The following MCF2L2 variants were observed in gnomAD, a reference collection of about 807,000 sequenced individuals.
MCF2L2 encodes MCF.2 cell line derived transforming sequence-like 2.
A neutral mutation model predicts 150.2 loss-of-function variants in MCF2L2; 102 were observed. The observed-to-expected ratio is 0.68, with a 90% CI of 0.58 to 0.80. The LOEUF (loss-of-function observed/expected upper bound fraction) is 0.80, where lower values mean the gene tolerates loss of function less well. MCF2L2 is among the 30% of genes least tolerant of loss of function. MCF2L2 has a pLI of 0.00. For synonymous variants in MCF2L2, 465 were observed against 491.3 expected (o/e 0.95, Z 0.71); for missense variants, 1,256 against 1,372.8 (o/e 0.91, Z 1.34).
At chr3:183,291,098 G>A (rs1728114594) in intron 13 of MCF2L2, among the ~76,000 whole-genome samples, 1 of 152,186 alleles carries the variant, frequency 6.6e-6, no homozygotes, top group African/African-American at 2.4e-5. Flanking sequence ...TGTAATAACA[G>A]ACAATCCTTT....
At position 183,179,440 on chromosome 3, in the gene MCF2L2, C is replaced by T. The variant is rs771052365; in HGVS notation, c.3285G>A (p.Gly1095=). Residue 1095 remains glycine, a synonymous_variant, in exon 30 of 30, where the codon GGG becomes GGA. Transcript: ENST00000328913. This position sits in a 1 kb window ranked among gnomAD's most constrained non-coding sequence, Gnocchi z 4.2. ...GASTGRLAPA[G]ATAGFQARAL... ...CCCTCGCCTGGAAACCAGCCGTCGC[C>T]CCCGCAGGAGCCAGCCGGCCCGTGG... The T allele has an allele frequency of 1.3e-6, 2 of 1,583,840 alleles. No individual in the cohort carries two copies. The highest frequency in any genetic ancestry group is 2.3e-5 in the South Asian group (2 of 88,294).
At chr3:183,253,859 C>G (rs538415370) in intron 15 of MCF2L2, 3 of 152,362 alleles carry the variant, frequency 2.0e-5, no homozygotes, top group South Asian at 4.1e-4. Context: ...ACGGCTGTGC[C>G]GCGGCCGCAT....
chr3:183,289,476 C>T (rs1159750117), intron 13 of MCF2L2, among the ~76,000 whole-genome samples: 2 of 152,164 alleles, frequency 1.3e-5, no homozygotes, highest in Non-Finnish European at 2.9e-5. Flanking sequence ...CCATATGAAA[C>T]ATTAAACTAC....
At chr3:183,423,645 T>G (rs1052338075) in intron 1 of MCF2L2, among the ~76,000 whole-genome samples, 5 of 145,114 alleles carry the variant, frequency 3.4e-5, no homozygotes, top group Non-Finnish European at 4.5e-5. Context: ...TTTTTTTTTT[T>G]TTTTTTTTTT....
At chr3:183,327,552 G>A (rs1343608100) in intron 5 of MCF2L2, among the ~76,000 whole-genome samples, 1 of 152,124 alleles carries the variant, frequency 6.6e-6, no homozygotes, top group Non-Finnish European at 1.5e-5. Context: ...TAATGATCTC[G>A]AAACAATTAC....
At chr3:183,312,264 T>A (rs933387414) in intron 7 of MCF2L2, among the ~76,000 whole-genome samples, 1 of 152,200 alleles carries the variant, frequency 6.6e-6, no homozygotes, top group African/African-American at 2.4e-5. Context: ...CTTGTTTAAT[T>A]ATTTAAGTTT....
chr3:183,341,678 C>A, intron 3 of MCF2L2, 48 bp from the exon 4 acceptor site: 1 of 1,259,430 alleles, frequency 7.9e-7, no homozygotes, highest in Non-Finnish European at 1.2e-6. Context: ...GACCCATATG[C>A]TCCATGTGGC....
chr3:183,402,148 T>C (rs1714787555), intron 1 of MCF2L2, among the ~76,000 whole-genome samples: 3 of 152,094 alleles, frequency 2.0e-5, no homozygotes, highest in Admixed American at 6.5e-5. Flanking sequence ...ATCAAGTTTA[T>C]TTGAAAGAAT....
At chr3:183,259,176 T>C (rs1265626228) in intron 15 of MCF2L2, among the ~76,000 whole-genome samples, 1 of 152,190 alleles carries the variant, frequency 6.6e-6, no homozygotes, top group Non-Finnish European at 1.5e-5. Flanking sequence ...AAATGTATCT[T>C]AGTCAGTTTT....
chr3:183,196,194 A>G (rs1722077501), intron 25 of MCF2L2, among the ~76,000 whole-genome samples: 5 of 152,088 alleles, frequency 3.3e-5, no homozygotes, highest in Admixed American at 2.6e-4. Context: ...AGCTGACTCC[A>G]TAACACCTGG....
chr3:183,257,292 ACT>A (rs1457881648), intron 15 of MCF2L2, among the ~76,000 whole-genome samples: 2 of 151,924 alleles, frequency 1.3e-5, no homozygotes, highest in East Asian at 1.9e-4. Flanking sequence ...GCATTTAAAC[ACT>A]CTCGGCTTTT....
At chr3:183,321,892 G>A (rs984692423) in intron 6 of MCF2L2, among the ~76,000 whole-genome samples, 1 of 152,244 alleles carries the variant, frequency 6.6e-6, no homozygotes, top group African/African-American at 2.4e-5. Flanking sequence ...CACAGTTACA[G>A]TTCTGGAAGT....
chr3:183,317,613 T>C (rs1336009955), intron 7 of MCF2L2, among the ~76,000 whole-genome samples: 1 of 152,178 alleles, frequency 6.6e-6, no homozygotes, highest in Admixed American at 6.5e-5. Context: ...GTCCGCTTAT[T>C]AGTCTGCCCC....
At position 183,254,635 on chromosome 3, in the gene MCF2L2, C is replaced by A. The variant is rs1026363112; in HGVS notation, c.1862+22237G>T. The A allele has an allele frequency of 3.9e-5, 6 of 152,280 alleles. No individual in the cohort carries two copies. The Middle Eastern group carries it at 0.01, about 261-fold the overall frequency. 9.4% of individuals were successfully genotyped at this position (152,280 alleles called of 1,614,324 possible). On this transcript the variant is annotated intron_variant, in intron 15 of 29. Coordinates refer to ENST00000328913, the MANE Select transcript of MCF2L2 (RefSeq NM_015078.4). ...CGGGAGCCGCGAGGCGAACGCCGCGCCCACCAATTCGGTTGCCGGCCGGGG... is the reference window on the plus strand; with the variant it reads ...CGGGAGCCGCGAGGCGAACGCCGCGACCACCAATTCGGTTGCCGGCCGGGG...
At chr3:183,370,928 A>G (rs182365276) in intron 3 of MCF2L2, among the ~76,000 whole-genome samples, 9 of 152,304 alleles carry the variant, frequency 5.9e-5, no homozygotes, top group Middle Eastern at 3.4e-3. Flanking sequence ...CTCCTTGGGC[A>G]ACACAGCTGC....
chr3:183,341,747 C>T lies in MCF2L2; in HGVS notation c.276-117G>A, dbSNP rs929224434. 72 of 682,798 alleles carry T rather than the reference C, an allele frequency of 1.1e-4. 3 individuals are homozygous for T. The highest frequency in any genetic ancestry group is 1.4e-4 in the Non-Finnish European group (55 of 384,594). The allele number at this position is 682,798 out of a possible 1,614,324, so 42.3% of individuals were successfully genotyped here. On this transcript the variant is annotated intron_variant, in intron 3 of 29. Transcript: ENST00000328913. ...GCACTCCAGGCTCACCGTGTAAACA[C>T]CCTGCACAGCACAACCAACTCCCTC...
intron 3 of MCF2L2, chr3:183,376,356 C>T (rs895764606): frequency 6.6e-6 from 1 of 152,196 alleles, no homozygotes; most frequent in Non-Finnish European, 1.5e-5. Context: ...TAAAACTAGA[C>T]ATCGAATTTA....
At chr3:183,310,637 G>A (rs745538699) in intron 9 of MCF2L2, 7 of 347,626 alleles carry the variant, frequency 2.0e-5, no homozygotes, top group Middle Eastern at 3.7e-4. Context: ...CACTCCGGCC[G>A]GAGTGACAGA....
chr3:183,371,475 T>C (rs1017525547), intron 3 of MCF2L2, among the ~76,000 whole-genome samples: 1 of 149,400 alleles, frequency 6.7e-6, no homozygotes, highest in Non-Finnish European at 1.5e-5. Context: ...CTTTTTTTTT[T>C]TTTTTTTTTT....
Sources: allele counts gnomAD v4.1 joint callset (sites outside exome capture counted in the v4.1 genomes callset), GRCh38; gene constraint gnomAD v4.1.1; non-coding constraint Gnocchi (gnomAD v3.1); transcripts MANE v1.5; gene names NCBI Gene and HGNC (gene_info 2026-07-23, HGNC 2026-07-21).